Variants in DNAJC1 observed in about 807,000 individuals in gnomAD.
DNAJC1 encodes the protein DnaJ heat shock protein family (Hsp40) member C1.
Under a neutral mutation model 76.6 loss-of-function variants are expected in DNAJC1, and 58 were observed. The ratio of observed to expected loss-of-function variants is 0.76; its 90% CI spans 0.61 to 0.94. The LOEUF (loss-of-function observed/expected upper bound fraction) is 0.94, where lower values mean the gene tolerates loss of function less well. Ranked by LOEUF, DNAJC1 falls within the 40% of genes least tolerant of loss-of-function variation. The pLI, the probability that DNAJC1 is intolerant of heterozygous loss-of-function variation, is 0.00. For missense variants in DNAJC1, 689 were observed against 677.3 expected, an observed-to-expected ratio of 1.02 and a Z score of -0.19; for synonymous variants, 258 against 267.9, an observed-to-expected ratio of 0.96 and a Z score of 0.36.
chr10:21,786,988 G>A (rs961967879), intron 9 of DNAJC1, among the ~76,000 whole-genome samples: 1 of 152,064 alleles, frequency 6.6e-6, no homozygotes, highest in Non-Finnish European at 1.5e-5. Flanking sequence ...AGTTTAATGG[G>A]ATATATTCCT....
At chr10:21,798,003 A>G (rs1373545578) in intron 9 of DNAJC1, among the ~76,000 whole-genome samples, 3 of 152,240 alleles carry the variant, frequency 2.0e-5, no homozygotes, top group Non-Finnish European at 4.4e-5. Flanking sequence ...CGCTTTTAAA[A>G]ATCAAGGTCA....
chr10:21,790,658 A>C (rs1173301108), intron 9 of DNAJC1, among the ~76,000 whole-genome samples: 1 of 152,204 alleles, frequency 6.6e-6, no homozygotes, highest in East Asian at 1.9e-4. Flanking sequence ...GAAGTCCTGC[A>C]TCTGGCAGCA....
chr10:21,915,639 G>A (rs766258353), intron 6 of DNAJC1, among the ~76,000 whole-genome samples: 8 of 152,090 alleles, frequency 5.3e-5, no homozygotes, highest in African/African-American at 9.7e-5. Context: ...TAAGAGCTGC[G>A]TGTGTTAACT....
intron 9 of DNAJC1, among the ~76,000 whole-genome samples, chr10:21,772,323 T>G (rs2131622180): frequency 7.0e-6 from 1 of 143,462 alleles, no homozygotes; most frequent in Admixed American, 7.2e-5. Context: ...AAATGTTTGG[T>G]AGAATTCAGT....
intron 1 of DNAJC1, among the ~76,000 whole-genome samples, chr10:21,975,775 C>G (rs1296721289): frequency 6.6e-6 from 1 of 152,190 alleles, no homozygotes; most frequent in Non-Finnish European, 1.5e-5. Context: ...GTTCTGAATA[C>G]CTTCTTTGCT....
chr10:21,761,699 C>G (rs1268139311), intron 10 of DNAJC1, among the ~76,000 whole-genome samples: 2 of 152,026 alleles, frequency 1.3e-5, no homozygotes, highest in Admixed American at 6.5e-5. Context: ...CGTCTAGAAA[C>G]AGTGTCACAC....
intron 6 of DNAJC1, among the ~76,000 whole-genome samples, chr10:21,908,422 A>G (rs1463468657): frequency 6.8e-6 from 1 of 148,134 alleles, no homozygotes; most frequent in Non-Finnish European, 1.5e-5. Flanking sequence ...ATGCTTTTGA[A>G]TCCAAGCATT....
intron 8 of DNAJC1, among the ~76,000 whole-genome samples, chr10:21,843,122 T>C (rs1023429110): frequency 6.6e-6 from 1 of 152,156 alleles, no homozygotes; most frequent in Admixed American, 6.5e-5. Context: ...TTATTTGGAA[T>C]TGAGGAAAAA....
intron 1 of DNAJC1, among the ~76,000 whole-genome samples, chr10:21,977,259 A>AACAC (rs908802350): frequency 2.0e-5 from 3 of 151,830 alleles, no homozygotes; most frequent in South Asian, 2.1e-4. Flanking sequence ...AAATGAAAAA[A>AACAC]ACACACACAC....
intron 1 of DNAJC1, among the ~76,000 whole-genome samples, chr10:22,000,336 G>C (rs1463871859): frequency 6.6e-6 from 1 of 152,158 alleles, no homozygotes. Context: ...GTCAAATCAT[G>C]TATCTTTTCT....
At chr10:21,768,611 G>A (rs1825353748) in intron 9 of DNAJC1, among the ~76,000 whole-genome samples, 1 of 152,160 alleles carries the variant, frequency 6.6e-6, no homozygotes, top group Non-Finnish European at 1.5e-5. Context: ...TTCATACAAA[G>A]AGCAGAATTA....
At chr10:21,921,645 G>C (rs991980051) in intron 3 of DNAJC1, among the ~76,000 whole-genome samples, 4 of 151,908 alleles carry the variant, frequency 2.6e-5, no homozygotes, top group Admixed American at 6.6e-5. Context: ...CAATTAAGTG[G>C]CAATTTCCTC....
intron 1 of DNAJC1, among the ~76,000 whole-genome samples, chr10:21,999,630 T>C (rs2098035854): frequency 6.6e-6 from 1 of 152,032 alleles, no homozygotes; most frequent in Non-Finnish European, 1.5e-5. Flanking sequence ...AATTTTTATC[T>C]TTTTAGTAGA....
At chr10:21,838,633 GA>G (rs199706519) in intron 8 of DNAJC1, among the ~76,000 whole-genome samples, 5 of 149,776 alleles carry the variant, frequency 3.3e-5, no homozygotes, top group African/African-American at 7.4e-5. Flanking sequence ...TACTAAAAAA[GA>G]AAAAAAAATA....
chr10:21,836,929 CCTCT>C (rs1210734916), intron 8 of DNAJC1, among the ~76,000 whole-genome samples: 1 of 152,086 alleles, frequency 6.6e-6, no homozygotes, highest in East Asian at 1.9e-4. Context: ...TCTTCCTCTC[CCTCT>C]CTCTCCACGG....
chr10:21,927,405 C>T (rs896773926), intron 3 of DNAJC1, among the ~76,000 whole-genome samples: 18 of 152,146 alleles, frequency 1.2e-4, no homozygotes, highest in African/African-American at 3.9e-4. Flanking sequence ...ATAGGGTTGT[C>T]TGGAGATGTA....
intron 8 of DNAJC1, among the ~76,000 whole-genome samples, chr10:21,818,448 G>A (rs1029151037): frequency 2.8e-4 from 42 of 152,124 alleles, no homozygotes; most frequent in African/African-American, 9.2e-4. Flanking sequence ...CTGTGATCTC[G>A]CCCTGCCTCC....
chr10:21,760,623 T>C (rs973628979), intron 10 of DNAJC1, among the ~76,000 whole-genome samples: 5 of 152,266 alleles, frequency 3.3e-5, no homozygotes, highest in East Asian at 1.9e-4. Flanking sequence ...GATACAATTA[T>C]ATAAACCACT....
At chr10:21,805,752 G>C (rs149634826) in intron 9 of DNAJC1, among the ~76,000 whole-genome samples, 31 of 152,248 alleles carry the variant, frequency 2.0e-4, no homozygotes, top group Middle Eastern at 3.4e-3. Context: ...GGTTACAGTA[G>C]CTTAAGTCTC....
Sources: gnomAD v4.1 joint callset for allele counts (sites outside exome capture counted in the v4.1 genomes callset) on GRCh38, gnomAD v4.1.1 for gene constraint, MANE v1.5 for transcripts, NCBI Gene and HGNC (gene_info 2026-07-23, HGNC 2026-07-21) for gene names.